Variants in SLC9D1 observed in about 807,000 individuals in gnomAD.
SLC9D1 encodes the protein solute carrier family 9 member D1.
At chr13:113,529,507 A>G in the SLC9D1 span, 155 of 152,292 alleles carry the variant, frequency 1.0e-3, no homozygotes, top group Non-Finnish European at 1.7e-3. Flanking sequence ...AAAATTAGCC[A>G]GGCATGGTGG....
At chr13:113,532,163 A>G in the SLC9D1 span, among the ~76,000 whole-genome samples, 1 of 152,220 alleles carries the variant, frequency 6.6e-6, no homozygotes, top group South Asian at 2.1e-4. Context: ...GACGTTCCCC[A>G]TGTGGGGAGC....
chr13:113,528,275 G>A, the SLC9D1 span: 1 of 152,208 alleles, frequency 6.6e-6, no homozygotes, highest in Admixed American at 6.5e-5. Context: ...CTCCCCTGGG[G>A]AGGGTGGTGT....
chr13:113,521,316 TTGCATGTGTC>T, the SLC9D1 span, among the ~76,000 whole-genome samples: 85 of 146,664 alleles, frequency 5.8e-4, no homozygotes, highest in African/African-American at 2.0e-3. Flanking sequence ...ATCTGTGTGT[TTGCATGTGTC>T]TGCATGCATG....
the SLC9D1 span, chr13:113,498,414 C>G: frequency 2.5e-6 from 4 of 1,582,810 alleles, no homozygotes; most frequent in South Asian, 4.7e-5. Context: ...TATGCAACAT[C>G]AAAACCAAAG....
At chr13:113,503,784 G>C in the SLC9D1 span, 11 of 560,314 alleles carry the variant, frequency 2.0e-5, no homozygotes, top group Admixed American at 1.7e-4. Context: ...TAGAAATTCA[G>C]TGAAGAATTG....
the SLC9D1 span, chr13:113,510,475 G>A: frequency 1.3e-6 from 2 of 1,557,020 alleles, no homozygotes; most frequent in Non-Finnish European, 1.7e-6. Flanking sequence ...TCGTGTGTAG[G>A]TGACTTTTGG....
the SLC9D1 span, among the ~76,000 whole-genome samples, chr13:113,546,669 G>A: frequency 6.6e-6 from 1 of 152,116 alleles, no homozygotes; most frequent in African/African-American, 2.4e-5. The surrounding 1 kb of genome is among the most constrained non-coding windows in gnomAD (Gnocchi z 7.1). Flanking sequence ...CTTCCTCCGA[G>A]GGCTGACATG....
chr13:113,546,939 C>T, the SLC9D1 span, among the ~76,000 whole-genome samples: 115 of 152,322 alleles, frequency 7.5e-4, no homozygotes, highest in African/African-American at 2.6e-3. The surrounding 1 kb of genome is among the most constrained non-coding windows in gnomAD (Gnocchi z 7.1). Context: ...CACTCCTGGG[C>T]ACTGTGGGGC....
the SLC9D1 span, chr13:113,495,380 T>G: frequency 3.9e-6 from 2 of 512,162 alleles, no homozygotes; most frequent in East Asian, 6.0e-5. Context: ...ATGTTGATAT[T>G]TATCTAGGAA....
At chr13:113,548,321 G>A in the SLC9D1 span, 3 of 1,613,956 alleles carry the variant, frequency 1.9e-6, no homozygotes, top group Admixed American at 1.7e-5. Flanking sequence ...GGCGGCGCTG[G>A]TCCTGTCTCT....
At chr13:113,525,296 A>G in the SLC9D1 span, among the ~76,000 whole-genome samples, 2 of 152,202 alleles carry the variant, frequency 1.3e-5, no homozygotes, top group East Asian at 3.9e-4. Flanking sequence ...GTAACGTCAC[A>G]GGGCAGTGTA....
chr13:113,549,743 G>T, the SLC9D1 span: 1 of 733,928 alleles, frequency 1.4e-6, no homozygotes, highest in Non-Finnish European at 2.5e-6. Context: ...TTTGCAGTCT[G>T]TTGATTATGT....
At chr13:113,531,828 T>C in the SLC9D1 span, among the ~76,000 whole-genome samples, 1 of 152,250 alleles carries the variant, frequency 6.6e-6, no homozygotes, top group Non-Finnish European at 1.5e-5. Flanking sequence ...TTGGCATCTT[T>C]CTGAGCCCTC....
chr13:113,540,003 G>A, the SLC9D1 span, among the ~76,000 whole-genome samples: 206 of 152,322 alleles, frequency 1.4e-3, 2 homozygotes, highest in African/African-American at 4.8e-3. Flanking sequence ...AATTCCCTGA[G>A]GAGAACGGCC....
chr13:113,544,717 C>G, the SLC9D1 span, among the ~76,000 whole-genome samples: 2 of 152,236 alleles, frequency 1.3e-5, no homozygotes, highest in African/African-American at 4.8e-5. Context: ...CTGTGTCATC[C>G]GTGGCTCAGC....
At chr13:113,531,077 G>A in the SLC9D1 span, among the ~76,000 whole-genome samples, 1 of 152,200 alleles carries the variant, frequency 6.6e-6, no homozygotes, top group South Asian at 2.1e-4. Context: ...GAGGCACCCG[G>A]CTCCCTTAGT....
At chr13:113,502,906 C>T in the SLC9D1 span, among the ~76,000 whole-genome samples, 6 of 152,216 alleles carry the variant, frequency 3.9e-5, no homozygotes, top group African/African-American at 7.2e-5. Flanking sequence ...TGAAGAGGAG[C>T]GCGCCCAGCA....
At chr13:113,498,901 G>A in the SLC9D1 span, among the ~76,000 whole-genome samples, 1 of 151,962 alleles carries the variant, frequency 6.6e-6, no homozygotes, top group Non-Finnish European at 1.5e-5. Context: ...TTGGATCAGG[G>A]GTAGTCCATA....
chr13:113,498,430 C>T, the SLC9D1 span: 1 of 1,585,490 alleles, frequency 6.3e-7, no homozygotes, highest in Admixed American at 2.0e-5. Flanking sequence ...CAAAGTTTAT[C>T]CATGCTTGAC....
Sources: allele counts gnomAD v4.1 joint callset (sites outside exome capture counted in the v4.1 genomes callset), GRCh38; gene constraint gnomAD v4.1.1; non-coding constraint Gnocchi (gnomAD v3.1); transcripts MANE v1.5; gene names NCBI Gene and HGNC (gene_info 2026-07-23, HGNC 2026-07-21).